The following DPP10 variants were observed in gnomAD, a reference collection of about 807,000 sequenced individuals.
DPP10 encodes the protein dipeptidyl peptidase like 10, also known as inactive dipeptidyl peptidase 10.
Under a neutral mutation model 120.9 loss-of-function variants are expected in DPP10, and 33 were observed. That is an observed-to-expected ratio of 0.27 (90% CI 0.21 to 0.37). The LOEUF (loss-of-function observed/expected upper bound fraction) is 0.37. Ranked by LOEUF, DPP10 falls within the 10% of genes least tolerant of loss-of-function variation. The pLI is 1.00. For missense variants in DPP10, 816 were observed against 942.8 expected (o/e 0.87, Z 1.76); for synonymous variants, 337 against 326.1 (o/e 1.03, Z -0.36).
intron 1 of DPP10, among the ~76,000 whole-genome samples, chr2:115,133,495 A>G (rs181045992): frequency 1.1e-3 from 172 of 152,180 alleles, no homozygotes; most frequent in African/African-American, 4.0e-3. Flanking sequence ...CATGTTCTCA[A>G]TAGAGAAAAA....
rs1478346881 is a variant in DPP10 at position 115,604,097 on chromosome 2, T to G, written c.441+78125T>G. Among the ~76,000 whole-genome samples the G allele has an allele frequency of 9.2e-5, 14 of 151,824 alleles. No homozygotes were observed. The South Asian group carries it at 2.7e-3, about 29-fold the overall frequency. ...TCTAGCTGTTTTTTTTTTTTTTTTT[T>G]TTTTTTTTTAAGATGGTAGCTTTTG... On this transcript the variant is annotated intron_variant, in intron 5 of 25. Transcript: ENST00000410059.
chr2:114,870,989 T>TTC (rs1432001053), intron 1 of DPP10, among the ~76,000 whole-genome samples: 1 of 132,072 alleles, frequency 7.6e-6, no homozygotes, highest in Non-Finnish European at 1.7e-5. Flanking sequence ...TTTCTTTTCT[T>TTC]TTTTTTTTGT....
chr2:115,207,289 C>T (rs2056197654), intron 1 of DPP10, among the ~76,000 whole-genome samples: 1 of 151,968 alleles, frequency 6.6e-6, no homozygotes, highest in African/African-American at 2.4e-5. Flanking sequence ...TTGTTTTCCT[C>T]CAACAGTCTT....
At chr2:115,487,111 G>A (rs933531744) in intron 3 of DPP10, among the ~76,000 whole-genome samples, 1 of 151,758 alleles carries the variant, frequency 6.6e-6, no homozygotes, top group Non-Finnish European at 1.5e-5. Flanking sequence ...CAAATCATGA[G>A]TGAACTCCCA....
chr2:115,214,629 G>C (rs377046566), intron 1 of DPP10, among the ~76,000 whole-genome samples: 1 of 152,138 alleles, frequency 6.6e-6, no homozygotes, highest in Non-Finnish European at 1.5e-5. Context: ...TCTCAAAGCC[G>C]TATGAAATTG....
intron 1 of DPP10, among the ~76,000 whole-genome samples, chr2:114,780,472 G>A (rs1283524053): frequency 6.6e-6 from 1 of 151,944 alleles, no homozygotes; most frequent in Non-Finnish European, 1.5e-5. Context: ...ATTCTTTAGG[G>A]TACTGGAAGG....
chr2:115,812,637 AAG>A (rs1297672164), intron 19 of DPP10, among the ~76,000 whole-genome samples: 1 of 152,214 alleles, frequency 6.6e-6, no homozygotes, highest in Non-Finnish European at 1.5e-5. Context: ...TATAAAAGAA[AAG>A]AGAAAATATC....
At chr2:114,604,971 CT>C (rs1692669599) in intron 1 of DPP10, among the ~76,000 whole-genome samples, 1 of 152,028 alleles carries the variant, frequency 6.6e-6, no homozygotes, top group African/African-American at 2.4e-5. Flanking sequence ...TACAGATTTG[CT>C]GTTTCTTGAA....
At chr2:115,442,363 T>TTGTGTGTG (rs555025083) in intron 3 of DPP10, among the ~76,000 whole-genome samples, 2,102 of 147,336 alleles carry the variant, frequency 0.014, 56 homozygotes, top group African/African-American at 0.049. Context: ...GTGTGTGTGT[T>TTGTGTGTG]TGTGTGTGTG....
At chr2:115,037,875 T>G (rs1704337663) in intron 1 of DPP10, among the ~76,000 whole-genome samples, 1 of 152,218 alleles carries the variant, frequency 6.6e-6, no homozygotes. Context: ...CTAGTCTATA[T>G]GATTTCTGGA....
In DPP10 at chr2:115,272,037, A is replaced by G. The variant is rs1004889374; in HGVS notation, c.61-37202A>G. ...ATTAGTTATATTCACATTCTCTTCC[A>G]GAAATAATCTGTTAATAATTAAATG... is the stretch of plus-strand genomic sequence containing the variant. On this transcript the variant is annotated intron_variant, in intron 1 of 25. Transcript: ENST00000410059. Among the ~76,000 whole-genome samples the G allele has an allele frequency of 9.8e-5, 15 of 152,358 alleles. No homozygotes were observed. In the South Asian group the frequency reaches 2.5e-3, roughly 25 times the overall value.
chr2:115,136,155 G>A (rs2050640080), intron 1 of DPP10, among the ~76,000 whole-genome samples: 1 of 89,900 alleles, frequency 1.1e-5, no homozygotes, highest in African/African-American at 4.3e-5. Context: ...CAGCTACCTG[G>A]TTTATGCTGA....
intron 13 of DPP10, 96 bp downstream of exon 13, chr2:115,768,500 T>G: frequency 9.7e-7 from 1 of 1,033,382 alleles, no homozygotes; most frequent in Non-Finnish European, 1.4e-6. Context: ...TTCATGGTGG[T>G]GAAACCCAGC....
intron 5 of DPP10, among the ~76,000 whole-genome samples, chr2:115,644,512 T>C (rs1210862113): frequency 6.6e-6 from 1 of 152,028 alleles, no homozygotes; most frequent in Admixed American, 6.6e-5. Context: ...GGCTCATACC[T>C]ATAAACCCAA....
At chr2:115,256,790 C>A (rs576842900) in intron 1 of DPP10, among the ~76,000 whole-genome samples, 234 of 152,328 alleles carry the variant, frequency 1.5e-3, no homozygotes, top group African/African-American at 5.0e-3. Flanking sequence ...CTTTTACACT[C>A]TTCTTCCTTC....
At chr2:115,160,052 C>T (rs894776072) in intron 1 of DPP10, among the ~76,000 whole-genome samples, 3 of 152,172 alleles carry the variant, frequency 2.0e-5, no homozygotes, top group African/African-American at 7.2e-5. Context: ...AATGCAGATG[C>T]CCTCCCTCCA....
chr2:115,066,567 A>G (rs905982569), intron 1 of DPP10: 1 of 152,144 alleles, frequency 6.6e-6, no homozygotes, highest in Non-Finnish European at 1.5e-5. Flanking sequence ...ATGTAAAGCA[A>G]TGGTAACAAC....
intron 3 of DPP10, among the ~76,000 whole-genome samples, chr2:115,467,622 G>T (rs1365004968): frequency 6.6e-6 from 1 of 151,938 alleles, no homozygotes; most frequent in East Asian, 1.9e-4. Flanking sequence ...AATTAACTGT[G>T]ATGCTCACTA....
intron 2 of DPP10, among the ~76,000 whole-genome samples, chr2:115,326,744 G>A (rs1032359330): frequency 2.6e-5 from 4 of 151,970 alleles, no homozygotes; most frequent in African/African-American, 9.7e-5. Flanking sequence ...ATAGACAAAG[G>A]TTATGCAATA....
Sources: gnomAD v4.1 joint callset for allele counts (sites outside exome capture counted in the v4.1 genomes callset) on GRCh38, gnomAD v4.1.1 for gene constraint, MANE v1.5 for transcripts, NCBI Gene and HGNC (gene_info 2026-07-23, HGNC 2026-07-21) for gene names.